ZNF571: variants seen among roughly 807,000 people sequenced by gnomAD.
ZNF571 encodes zinc finger protein 571.
In ZNF571, 4 loss-of-function variants were observed where a neutral mutation model predicts 7.7. The ratio of observed to expected loss-of-function variants is 0.52; its 90% CI spans 0.25 to 1.18. ZNF571 has a LOEUF of 1.18. Ranked by LOEUF, ZNF571 falls within the 50% of genes most tolerant of loss-of-function variation. The pLI, the probability that ZNF571 is intolerant of heterozygous loss-of-function variation, is 0.14. For synonymous variants in ZNF571, 251 were observed against 232.4 expected (o/e 1.08, Z -0.73); for missense variants, 704 against 726.9 (o/e 0.97, Z 0.36).
At chr19:37,589,067 G>T (rs1448484027) in intron 1 of ZNF571, among the ~76,000 whole-genome samples, 1 of 151,950 alleles carries the variant, frequency 6.6e-6, no homozygotes, top group Admixed American at 6.5e-5. Context: ...GGGTGTGGTG[G>T]CGGGTGCTTG....
Position 37,584,009 on chromosome 19 carries a change from T to C in ZNF571, c.98A>G (p.Asp33Gly). Residue 33 changes from aspartate (D) to glycine (G), a missense_variant, in exon 3 of 4, where the codon GAT (aspartate) becomes GGT (glycine). By Grantham distance (94) the Asp-to-Gly change is moderately conservative (BLOSUM62 -1). Transcript: ENST00000451802. ...LDPAQRDLYR[D>G]VMLENYSNLI... Reference sequence around the variant, plus strand: ...GTTGCTGTAGTTCTCCAACATCACATCCCTGTACAAGTCCCTCTGAGCAGG... The same window carrying C: ...GTTGCTGTAGTTCTCCAACATCACACCCCTGTACAAGTCCCTCTGAGCAGG... The C allele has an allele frequency of 6.2e-7, 1 of 1,613,918 alleles. No homozygotes were observed. The highest frequency in any genetic ancestry group is 8.5e-7 in the Non-Finnish European group (1 of 1,179,880).
In ZNF571 at chr19:37,566,046, A is replaced by G; in HGVS notation, c.382T>C (p.Phe128Leu). Residue 128 changes from phenylalanine (F) to leucine (L), a missense_variant, in exon 4 of 4, where the codon TTT (phenylalanine) becomes CTT (leucine). Transcript: ENST00000451802. ...ATESHSTSSTFHRIIPTKEKL... is the reference protein window; with the variant it reads ...ATESHSTSSTLHRIIPTKEKL... ...TCCTTGGTAGGAATTATCCGATGAA[A>G]AGTAGAAGAGGTTGAATGACTTTCA... 6.2e-7 allele frequency: 1 copy of G among 1,614,092 alleles called. No homozygotes were observed. Among genetic ancestry groups the G allele is most frequent in the Non-Finnish European group, 8.5e-7 (1 of 1,179,954 alleles).
rs1269789320 is a variant in ZNF571, at chr19:37,566,177, T to C, written c.251A>G (p.Asn84Ser). The change falls in exon 4 of 4, where the codon AAT (asparagine) becomes AGT (serine). Residue 84 changes from asparagine (N) to serine (S), a missense_variant. Physicochemically the swap from Asn to Ser is conservative, Grantham distance 46 (BLOSUM62 1). Coordinates refer to ENST00000451802, the MANE Select transcript of ZNF571 (RefSeq NM_016536.5). ...GCACTCCATATTGTCTCCAAGACCA[T>C]TGTATTGAAGGTGATGGTTGATACG... is the stretch of plus-strand genomic sequence containing the variant. ...GKRINHHLQYNGLGDNMECKG... is the reference protein window; with the variant it reads ...GKRINHHLQYSGLGDNMECKG... 3 of 1,614,022 alleles carry C rather than the reference T, an allele frequency of 1.9e-6. No individual in the cohort carries two copies. Among genetic ancestry groups the C allele is most frequent in the East Asian group, 2.2e-5 (1 of 44,870 alleles).
intron 3 of ZNF571, among the ~76,000 whole-genome samples, chr19:37,568,843 TAGG>T (rs2042960787): frequency 6.6e-6 from 1 of 152,198 alleles, no homozygotes; most frequent in African/African-American, 2.4e-5. Flanking sequence ...GGAGTCATTT[TAGG>T]AGGTTTCTTT....
chr19:37,584,280 T>C, intron 2 of ZNF571, 183 bp from the exon 3 acceptor site: 1 of 672,942 alleles, frequency 1.5e-6, no homozygotes, highest in Admixed American at 3.1e-5. Context: ...ACTTCCTCTG[T>C]ACAATAGAAC....
At chr19:37,587,737 T>G (rs2043725333) in intron 1 of ZNF571, among the ~76,000 whole-genome samples, 1 of 152,104 alleles carries the variant, frequency 6.6e-6, no homozygotes, top group Admixed American at 6.5e-5. Context: ...TAGTTGAGCT[T>G]TGAAGCACCA....
rs1174633400 is a variant in ZNF571 at position 37,565,810 on chromosome 19, A to G, written c.618T>C (p.Arg206=). The change falls in exon 4 of 4, where the codon CGT becomes CGC. Residue 206 remains arginine, a synonymous_variant. Coordinates refer to ENST00000451802, the MANE Select transcript of ZNF571 (RefSeq NM_016536.5). ...TCTGATGTTGAATGAGATCAGAAGT[A>G]CGACCAAAGGCCTTTCCACATTCCA... ...ECMECGKAFG[R]TSDLIQHQKI... 1.2e-6 allele frequency: 2 copies of G among 1,613,668 alleles called. No homozygotes were observed. Among genetic ancestry groups the G allele is most frequent in the East Asian group, 4.5e-5 (2 of 44,870 alleles).
In ZNF571 at chr19:37,565,039, A is replaced by G. The variant is rs1489236197; in HGVS notation, c.1389T>C (p.Thr463=). Residue 463 remains threonine (T), a synonymous_variant, in exon 4 of 4, where the codon ACT becomes ACC. Transcript: ENST00000451802. ...GKAFIRVAYL[T]QHEKIHGEKH... ...TCTCACCATGAATTTTCTCATGTTGAGTAAGATATGCAACACGAATAAAGG... is the reference window on the plus strand; with the variant it reads ...TCTCACCATGAATTTTCTCATGTTGGGTAAGATATGCAACACGAATAAAGG... 1 of 1,613,730 alleles carries G rather than the reference A, an allele frequency of 6.2e-7. No homozygotes were observed. The highest frequency in any genetic ancestry group is 8.5e-7 in the Non-Finnish European group (1 of 1,179,796).
In ZNF571 at chr19:37,565,580, T is replaced by C; in HGVS notation, c.848A>G (p.Asp283Gly). ...HSGEKPYECK[D>G]CGKAFILGSQ... ...GCCAAGAATAAAGGCCTTCCCACAA[T>C]CCTTACATTCATAGGGTTTTTCACC... Residue 283 changes from aspartate (D) to glycine (G), a missense_variant, in exon 4 of 4, where the codon GAT (aspartate) becomes GGT (glycine). Asp to Gly is a moderately conservative substitution (Grantham distance 94). Transcript: ENST00000451802. 1 of 1,613,632 alleles carries C rather than the reference T, an allele frequency of 6.2e-7. No individual in the cohort carries two copies. Among genetic ancestry groups the C allele is most frequent in the Non-Finnish European group, 8.5e-7 (1 of 1,179,850 alleles).
rs1600552230 is a variant in ZNF571, at chr19:37,594,748, G to A, written c.-77C>T. The A allele has an allele frequency of 6.6e-6, 1 of 152,254 alleles. No individual in the cohort carries two copies. Among genetic ancestry groups the A allele is most frequent in the African/African-American group, 2.4e-5 (1 of 41,428 alleles). 9.4% of individuals were successfully genotyped at this position (152,254 alleles called of 1,614,324 possible). ...GTGAGGCCGCCCACTCACCTGGCCGGCGCAGACAAGCTCCGTGCGTCAAGA... is the reference window on the plus strand; with the variant it reads ...GTGAGGCCGCCCACTCACCTGGCCGACGCAGACAAGCTCCGTGCGTCAAGA... On this transcript the variant is annotated 5_prime_UTR_variant, in exon 1 of 4. Coordinates refer to ENST00000451802, the MANE Select transcript of ZNF571 (RefSeq NM_016536.5).
chr19:37,592,243 G>A (rs1259606024), intron 1 of ZNF571, among the ~76,000 whole-genome samples: 8 of 151,966 alleles, frequency 5.3e-5, no homozygotes, highest in African/African-American at 1.9e-4. Context: ...GGGCGACAGA[G>A]TGAGGAAAAA....
At chr19:37,575,052 C>G (rs962885801) in intron 3 of ZNF571, among the ~76,000 whole-genome samples, 5 of 152,174 alleles carry the variant, frequency 3.3e-5, no homozygotes, top group African/African-American at 9.7e-5. Flanking sequence ...ACTCTATGAA[C>G]AAACCTAACA....
At chr19:37,572,686 CT>C (rs1380428325) in intron 3 of ZNF571, among the ~76,000 whole-genome samples, 1 of 152,170 alleles carries the variant, frequency 6.6e-6, no homozygotes, top group Admixed American at 6.5e-5. Context: ...AACAATGTGG[CT>C]TTCTGAACTT....
chr19:37,566,574 A>C (rs903790363), intron 3 of ZNF571: 2 of 271,548 alleles, frequency 7.4e-6, no homozygotes, highest in Admixed American at 4.8e-5. Flanking sequence ...TAATAAAAAC[A>C]CCCTCTTGAA....
intron 3 of ZNF571, among the ~76,000 whole-genome samples, chr19:37,570,676 CT>C (rs1306785797): frequency 2.0e-5 from 3 of 152,186 alleles, no homozygotes; most frequent in Non-Finnish European, 2.9e-5. Context: ...CTGATTGGCT[CT>C]TTACCCCTAC....
At chr19:37,592,457 C>T (rs565566749) in intron 1 of ZNF571, among the ~76,000 whole-genome samples, 60 of 152,256 alleles carry the variant, frequency 3.9e-4, no homozygotes, top group African/African-American at 1.3e-3. Context: ...CTTTGGAGGA[C>T]CACAGATCAT....
At chr19:37,591,175 G>GTATGTC (rs969335215) in intron 1 of ZNF571, among the ~76,000 whole-genome samples, 1 of 152,202 alleles carries the variant, frequency 6.6e-6, no homozygotes, top group Non-Finnish European at 1.5e-5. Context: ...TGCCCAGACA[G>GTATGTC]TGGTCACTGT....
chr19:37,573,720 A>G (rs2043145022), intron 3 of ZNF571, among the ~76,000 whole-genome samples: 1 of 151,142 alleles, frequency 6.6e-6, no homozygotes, highest in East Asian at 1.9e-4. Context: ...CTGTAGTCCC[A>G]GCTACTCAGG....
chr19:37,565,788 G>A lies in ZNF571; in HGVS notation c.640C>T (p.Gln214Ter). The change falls in exon 4 of 4, where the codon CAG becomes TAG. Residue 214 changes from glutamine to a stop codon, truncating the protein, a stop_gained. Coordinates refer to ENST00000451802, the MANE Select transcript of ZNF571 (RefSeq NM_016536.5). LOFTEE classifies it low-confidence loss of function (END_TRUNC). The stretch of plus-strand genomic sequence containing the variant: ...GGTTTTTCATTAGTATGAATTTTCT[G>A]ATGTTGAATGAGATCAGAAGTACGA... ...FGRTSDLIQH[Q>*]KIHTNEKPYQ... is the part of the protein sequence containing the mutation. 1 of 1,613,534 alleles carries A rather than the reference G, an allele frequency of 6.2e-7. No homozygotes were observed.
Sources: allele counts gnomAD v4.1 joint callset (sites outside exome capture counted in the v4.1 genomes callset), GRCh38; gene constraint gnomAD v4.1.1; transcripts MANE v1.5; gene names NCBI Gene and HGNC (gene_info 2026-07-23, HGNC 2026-07-21).